Variants in TCF12 observed in about 807,000 individuals in gnomAD.
TCF12 encodes the protein transcription factor 12.
TCF12 carries 45 observed loss-of-function variants against 86.0 expected under a neutral mutation model. The ratio of observed to expected loss-of-function variants is 0.52; its 90% CI spans 0.41 to 0.67. TCF12 has a LOEUF of 0.67. Ranked by LOEUF, TCF12 falls within the 30% of genes least tolerant of loss-of-function variation. The probability of loss-of-function intolerance (pLI) is 0.00; values close to 1 mark genes in which losing one functional copy is unlikely to be tolerated. For synonymous variants in TCF12, 330 were observed against 299.6 expected (o/e 1.10, Z -1.05); for missense variants, 881 against 859.9 (o/e 1.02, Z -0.31).
chr15:56,953,795 T>G lies in TCF12; in HGVS notation c.148+32697T>G, dbSNP rs1320693015. ...TCTTATTCCTGAAATGGATTGTTTC[T>G]TCTTTTCTTGATCACTGTGGCTAAA... On this transcript the variant is annotated intron_variant, in intron 3 of 20. Transcript: ENST00000333725. Among the ~76,000 whole-genome samples, 4 of 151,868 alleles carry G rather than the reference T, an allele frequency of 2.6e-5. No homozygotes were observed. The East Asian group carries it at 7.7e-4, about 29-fold the overall frequency.
intron 6 of TCF12, among the ~76,000 whole-genome samples, chr15:57,171,318 G>A (rs1029505180): frequency 1.3e-5 from 2 of 151,812 alleles, no homozygotes; most frequent in Non-Finnish European, 2.9e-5. Flanking sequence ...TTATTCTGCA[G>A]CAAGGATAAA....
At chr15:57,104,558 C>T (rs2050003238) in intron 5 of TCF12, among the ~76,000 whole-genome samples, 1 of 149,626 alleles carries the variant, frequency 6.7e-6, no homozygotes, top group South Asian at 2.1e-4. Flanking sequence ...TCTCCTGCCT[C>T]AGCCTCCGGA....
At chr15:57,242,898 A>T (rs968756175) in intron 12 of TCF12, among the ~76,000 whole-genome samples, 3 of 152,210 alleles carry the variant, frequency 2.0e-5, no homozygotes, top group Admixed American at 1.3e-4. Flanking sequence ...CACTTTCTTC[A>T]AGGATGACAG....
At chr15:57,291,172 G>A (rs1476161856), downstream of TCF12, 1 of 152,132 alleles carries the variant, frequency 6.6e-6, no homozygotes, top group Admixed American at 6.5e-5. Flanking sequence ...ATCCCCTAAG[G>A]ATAGCAAAAT....
chr15:57,269,471 C>T (rs187344982), intron 18 of TCF12, among the ~76,000 whole-genome samples: 12 of 140,464 alleles, frequency 8.5e-5, no homozygotes, highest in African/African-American at 2.9e-4. Flanking sequence ...AAGTGGGTCT[C>T]CTGAATACAG....
intron 5 of TCF12, among the ~76,000 whole-genome samples, chr15:57,146,505 T>C (rs1435376098): frequency 2.6e-5 from 4 of 152,198 alleles, no homozygotes; most frequent in Non-Finnish European, 5.9e-5. Context: ...ATTTCTGTGA[T>C]ACAAAAAATA....
intron 3 of TCF12, among the ~76,000 whole-genome samples, chr15:57,045,416 CCTGA>C (rs2067168689): frequency 6.6e-6 from 1 of 152,136 alleles, no homozygotes; most frequent in Non-Finnish European, 1.5e-5. Context: ...CTTTGTGCAG[CCTGA>C]CTGACTTTAA....
At chr15:57,222,774 T>C (rs2058663593) in intron 8 of TCF12, among the ~76,000 whole-genome samples, 2 of 132,978 alleles carry the variant, frequency 1.5e-5, no homozygotes, top group African/African-American at 5.6e-5. Context: ...TTTTTTTTTT[T>C]TTTTTTTTTT....
At chr15:57,253,508 A>G (rs1237353389) in intron 16 of TCF12, 40 bp downstream of exon 16, 1 of 1,601,920 alleles carries the variant, frequency 6.2e-7, no homozygotes, top group Non-Finnish European at 8.5e-7. Context: ...AACCCTAAAG[A>G]TTCTTGTCCT....
At chr15:57,185,484 C>T (rs2056614108) in intron 6 of TCF12, among the ~76,000 whole-genome samples, 1 of 151,824 alleles carries the variant, frequency 6.6e-6, no homozygotes, top group Non-Finnish European at 1.5e-5. Context: ...AAAAGAAGAA[C>T]AAACTAAATT....
intron 5 of TCF12, among the ~76,000 whole-genome samples, chr15:57,131,751 T>G (rs562492138): frequency 5.3e-5 from 8 of 152,176 alleles, no homozygotes; most frequent in Non-Finnish European, 7.4e-5. Flanking sequence ...GAGGAGAAAC[T>G]TCAAGGTCCT....
At chr15:57,061,039 C>T (rs2068422806) in intron 3 of TCF12, among the ~76,000 whole-genome samples, 1 of 152,184 alleles carries the variant, frequency 6.6e-6, no homozygotes, top group Non-Finnish European at 1.5e-5. Flanking sequence ...TCTTGTTATT[C>T]TATAGCATTC....
chr15:57,057,019 A>C (rs1450846315), intron 3 of TCF12, among the ~76,000 whole-genome samples: 1 of 152,068 alleles, frequency 6.6e-6, no homozygotes, highest in Non-Finnish European at 1.5e-5. Flanking sequence ...GCTTATTTTC[A>C]TGTTCTTCCA....
intron 5 of TCF12, among the ~76,000 whole-genome samples, chr15:57,106,889 C>G (rs1385298653): frequency 2.0e-5 from 3 of 152,140 alleles, no homozygotes; most frequent in Admixed American, 2.0e-4. Flanking sequence ...TGTATTAAAA[C>G]AACCAAAATC....
In TCF12 at chr15:57,271,217, G is replaced by A. The variant is rs2152090963; in HGVS notation, c.1746-1813G>A. On this transcript the variant is annotated intron_variant, in intron 18 of 20. Transcript: ENST00000333725. Reference sequence around the variant, plus strand: ...CAGTAGGCCTTGCTAGGCTGCGGTGGGCTCCGCCCAGTTCGAGCTTCCCTG... The same window carrying A: ...CAGTAGGCCTTGCTAGGCTGCGGTGAGCTCCGCCCAGTTCGAGCTTCCCTG... Among the ~76,000 whole-genome samples the A allele has an allele frequency of 2.0e-5, 3 of 152,348 alleles. No individual in the cohort carries two copies. The South Asian group carries it at 6.2e-4, about 32-fold the overall frequency.
chr15:57,241,179 C>T (rs1597560941), intron 12 of TCF12, among the ~76,000 whole-genome samples: 1 of 151,906 alleles, frequency 6.6e-6, no homozygotes, highest in East Asian at 1.9e-4. Context: ...CTGAAACCTC[C>T]ACCTCCCAGA....
chr15:57,066,980 G>A (rs2068935199), intron 4 of TCF12, among the ~76,000 whole-genome samples: 1 of 152,122 alleles, frequency 6.6e-6, no homozygotes, highest in Non-Finnish European at 1.5e-5. Flanking sequence ...TAGCCTTGAT[G>A]CATAAATGAG....
chr15:57,116,669 T>G (rs1184004497), intron 5 of TCF12, among the ~76,000 whole-genome samples: 1 of 152,168 alleles, frequency 6.6e-6, no homozygotes, highest in African/African-American at 2.4e-5. Context: ...ATGTAGTATT[T>G]TCTAAGTCCA....
intron 3 of TCF12, among the ~76,000 whole-genome samples, chr15:56,986,037 T>TA (rs143378487): frequency 0.014 from 2,078 of 152,272 alleles, 55 homozygotes; most frequent in African/African-American, 0.043. Context: ...TGTAATGCTA[T>TA]AGATGACTAC....
Sources: allele counts gnomAD v4.1 joint callset (sites outside exome capture counted in the v4.1 genomes callset), GRCh38; gene constraint gnomAD v4.1.1; transcripts MANE v1.5; gene names NCBI Gene and HGNC (gene_info 2026-07-23, HGNC 2026-07-21).